Variants in SLC22A3 observed in about 807,000 individuals in gnomAD.
SLC22A3 encodes EMT organic cation transporter 3.
In SLC22A3, 51 loss-of-function variants were observed where a neutral mutation model predicts 59.1. The observed-to-expected ratio is 0.86, with a 90% CI of 0.69 to 1.09. SLC22A3 has a LOEUF of 1.09. SLC22A3 is among the 50% of genes least tolerant of loss of function. The pLI, the probability that SLC22A3 is intolerant of heterozygous loss-of-function variation, is 0.00. For missense variants in SLC22A3, 711 were observed against 726.3 expected (o/e 0.98, Z 0.24); for synonymous variants, 325 against 292.0 (o/e 1.11, Z -1.15).
In SLC22A3 at chr6:160,437,069, CT is replaced by C; in HGVS notation, c.1151del (p.Phe384SerfsTer13). On this transcript the variant is annotated frameshift_variant, in exon 7 of 11. Coordinates refer to ENST00000275300, the MANE Select transcript of SLC22A3 (RefSeq NM_021977.4). LOFTEE classifies it high-confidence loss of function. ...TTATAGGGGGCAACCTCTATATAGA[CT>C]TTTTCATCTCGGGCGTGGTGGAACT... ...GIIGGNLYID[F>X]FISGVVELPG... 39 of 1,614,140 alleles carry C rather than the reference CT, an allele frequency of 2.4e-5. No homozygotes were observed. The highest frequency in any genetic ancestry group is 3.1e-5 in the Non-Finnish European group (37 of 1,180,012).
chr6:160,348,816 T>C lies in SLC22A3; in HGVS notation c.397T>C (p.Tyr133His). The change falls in exon 1 of 11, where the codon TAC (tyrosine) becomes CAC (histidine). Residue 133 changes from tyrosine to histidine, a missense_variant. Transcript: ENST00000275300. ...PLVPCRGGWR[Y>H]AQAHSTIVSE... ...TGTGCCGTGCCGCGGCGGCTGGCGC[T>C]ACGCCCAGGCCCACTCCACCATCGT... 1 of 1,581,266 alleles carries C rather than the reference T, an allele frequency of 6.3e-7. No individual in the cohort carries two copies. The highest frequency in any genetic ancestry group is 8.5e-7 in the Non-Finnish European group (1 of 1,172,208).
chr6:160,348,926 C>T lies in SLC22A3; in HGVS notation c.429+78C>T, dbSNP rs563285680. On this transcript the variant is annotated intron_variant, in intron 1 of 10. Transcript: ENST00000275300. ...CCAGGCGGACAAGCCGCGTGTGAGA[C>T]GCTGGCCGCCAGGGGAGGTCGGTGG... 77 of 1,532,420 alleles carry T rather than the reference C, an allele frequency of 5.0e-5. No individual in the cohort carries two copies. The African/African-American group carries it at 9.3e-4, about 19-fold the overall frequency. 94.9% of individuals were successfully genotyped at this position (1,532,420 alleles called of 1,614,324 possible).
chr6:160,387,458 A>C (rs994995091), intron 1 of SLC22A3, among the ~76,000 whole-genome samples: 7 of 152,226 alleles, frequency 4.6e-5, no homozygotes, highest in Non-Finnish European at 7.3e-5. Flanking sequence ...GGGGCTCCCA[A>C]GGAAATACAT....
intron 2 of SLC22A3, 104 bp downstream of exon 2, chr6:160,398,186 T>C: frequency 2.4e-6 from 2 of 847,322 alleles, no homozygotes; most frequent in Non-Finnish European, 3.9e-6. Context: ...TTTTGCTAAA[T>C]TCGCAAACAA....
rs1192794961 is a variant in SLC22A3 at position 160,443,677 on chromosome 6, T to G, written c.1445T>G (p.Ile482Ser). Residue 482 changes from isoleucine (I) to serine (S), a missense_variant, in exon 9 of 11, where the codon ATC becomes AGC. Ile to Ser is a moderately radical substitution (Grantham distance 142). Coordinates refer to ENST00000275300, the MANE Select transcript of SLC22A3 (RefSeq NM_021977.4). ...LCSGLCDFGGIIAPFLLFRLA... is the reference protein window; with the variant it reads ...LCSGLCDFGGSIAPFLLFRLA... ...TCAGGTCTGTGTGATTTTGGGGGAA[T>G]CATAGCCCCATTTCTGCTCTTTCGG... The G allele has an allele frequency of 6.2e-7, 1 of 1,614,068 alleles. No homozygotes were observed. The highest frequency in any genetic ancestry group is 1.7e-5 in the Admixed American group (1 of 60,028).
intron 1 of SLC22A3, among the ~76,000 whole-genome samples, chr6:160,384,204 C>T (rs561205343): frequency 9.2e-5 from 14 of 152,136 alleles, no homozygotes; most frequent in East Asian, 1.9e-4. Flanking sequence ...TGAGCCACCA[C>T]GCCTGGCTCA....
intron 5 of SLC22A3, among the ~76,000 whole-genome samples, chr6:160,412,811 A>G (rs1787311147): frequency 6.6e-6 from 1 of 152,182 alleles, no homozygotes; most frequent in Non-Finnish European, 1.5e-5. Flanking sequence ...CATAGTCCAG[A>G]GGTAAGTCCA....
chr6:160,439,419 G>T (rs1459565268), intron 7 of SLC22A3, among the ~76,000 whole-genome samples: 5 of 151,512 alleles, frequency 3.3e-5, no homozygotes. Context: ...CTCATTTCAT[G>T]ATATATATAT....
chr6:160,388,669 T>C (rs1022190245), intron 1 of SLC22A3, among the ~76,000 whole-genome samples: 4 of 152,248 alleles, frequency 2.6e-5, no homozygotes, highest in African/African-American at 9.6e-5. Flanking sequence ...CCCCATTAAG[T>C]TGCCTGTCTA....
At chr6:160,414,798 C>G (rs1787403054) in intron 5 of SLC22A3, among the ~76,000 whole-genome samples, 1 of 152,178 alleles carries the variant, frequency 6.6e-6, no homozygotes, top group African/African-American at 2.4e-5. Flanking sequence ...TGGGTTCCTC[C>G]TATGACACAT....
chr6:160,390,696 A>G (rs1562480852), intron 1 of SLC22A3, among the ~76,000 whole-genome samples: 1 of 152,292 alleles, frequency 6.6e-6, no homozygotes, highest in East Asian at 1.9e-4. Context: ...AAGGAGTGAG[A>G]ATGCAGAAGA....
intron 3 of SLC22A3, among the ~76,000 whole-genome samples, chr6:160,407,727 G>A (rs1787074581): frequency 6.6e-6 from 1 of 152,138 alleles, no homozygotes. Context: ...ACCTTCTGGT[G>A]ATGGAAGAAA....
intron 1 of SLC22A3, among the ~76,000 whole-genome samples, chr6:160,382,375 A>G (rs1785828502): frequency 6.6e-6 from 1 of 152,206 alleles, no homozygotes; most frequent in African/African-American, 2.4e-5. Flanking sequence ...CTGACCACCA[A>G]CTTATGCAAA....
chr6:160,394,469 C>T (rs1012016891), intron 1 of SLC22A3, among the ~76,000 whole-genome samples: 3 of 152,240 alleles, frequency 2.0e-5, no homozygotes, highest in Non-Finnish European at 4.4e-5. Context: ...CCCCTAGAGG[C>T]AGAGGTCTGC....
Position 160,436,941 on chromosome 6 carries a change from A to G in SLC22A3, c.1074-56A>G, listed in dbSNP as rs1166954092. On this transcript the variant is annotated intron_variant, in intron 6 of 10. Transcript: ENST00000275300. ...AATTTACAATACATCCCTTCCTTCA[A>G]ATCAGCTTGAAGTTATCTCTTACTT... 5 of 1,612,208 alleles carry G rather than the reference A, an allele frequency of 3.1e-6. No homozygotes were observed. The African/African-American group carries it at 4.0e-5, about 13-fold the overall frequency.
At chr6:160,392,210 C>G (rs1786288464) in intron 1 of SLC22A3, among the ~76,000 whole-genome samples, 2 of 152,106 alleles carry the variant, frequency 1.3e-5, no homozygotes, top group South Asian at 4.2e-4. Flanking sequence ...TTGTTGGCAC[C>G]CACGTTTCTG....
At position 160,362,255 on chromosome 6, in the gene SLC22A3, T is replaced by C. The variant is rs189835209; in HGVS notation, c.429+13407T>C. 3.3e-5 allele frequency among the ~76,000 whole-genome samples: 5 copies of C among 152,356 alleles called. No homozygotes were observed. In the East Asian group the frequency reaches 9.6e-4, roughly 29 times the overall value. ...ATAATTCAATCACCAAATTTAGTAG[T>C]TGCATTCCCCAGATTTTCTTTTGGG... On this transcript the variant is annotated intron_variant, in intron 1 of 10. Transcript: ENST00000275300.
chr6:160,383,396 C>T (rs1490892015), intron 1 of SLC22A3, among the ~76,000 whole-genome samples: 1 of 152,150 alleles, frequency 6.6e-6, no homozygotes, highest in Non-Finnish European at 1.5e-5. Flanking sequence ...CACTGCACCC[C>T]AAATCAGCCT....
At chr6:160,408,977 C>T in intron 4 of SLC22A3, 56 bp downstream of exon 4, 1 of 1,411,244 alleles carries the variant, frequency 7.1e-7, no homozygotes, top group Non-Finnish European at 9.8e-7. Context: ...AATTAGACTC[C>T]AAACAGACAT....
Sources: allele counts gnomAD v4.1 joint callset (sites outside exome capture counted in the v4.1 genomes callset), GRCh38; gene constraint gnomAD v4.1.1; transcripts MANE v1.5; gene names NCBI Gene and HGNC (gene_info 2026-07-23, HGNC 2026-07-21).